Variants in BRWD3 observed in about 807,000 individuals in gnomAD.
BRWD3 encodes the protein bromodomain and WD repeat domain containing 3.
Under a neutral mutation model 149.7 loss-of-function variants are expected in BRWD3, and 10 were observed. The observed-to-expected ratio is 0.07, with a 90% CI of 0.04 to 0.11. BRWD3 has a LOEUF of 0.11. Ranked by LOEUF, BRWD3 falls within the 10% of genes least tolerant of loss-of-function variation. The probability of loss-of-function intolerance (pLI) is 1.00; values close to 1 mark genes in which losing one functional copy is unlikely to be tolerated. For synonymous variants in BRWD3, 504 were observed against 456.7 expected, an observed-to-expected ratio of 1.10 and a Z score of -1.32; for missense variants, 940 against 1,373.2, an observed-to-expected ratio of 0.68 and a Z score of 4.99.
chrX:80,682,245 G>A, intron 38 of BRWD3, 151 bp from the exon 39 acceptor site: 1 of 610,228 alleles, frequency 1.6e-6, no homozygotes, highest in African/African-American at 2.3e-5. Flanking sequence ...TAATTTGACA[G>A]TGAAACTTCA....
At chrX:80,709,234 G>A (rs778846208) in intron 21 of BRWD3, among the ~76,000 whole-genome samples, 194 bp downstream of exon 21, 5 of 110,085 alleles carry the variant, frequency 4.5e-5, no homozygotes, top group Admixed American at 1.9e-4. Context: ...CAGCATCTGA[G>A]GTACAAATCC....
At position 80,701,285 on chromosome X, in the gene BRWD3, C is replaced by A. The variant is rs140983203; in HGVS notation, c.2836-1221G>T. Among the ~76,000 whole-genome samples the A allele has an allele frequency of 1.1e-3, 118 of 110,423 alleles. 3 individuals carry two copies. The East Asian group carries it at 0.032, about 30-fold the overall frequency. On this transcript the variant is annotated intron_variant, in intron 24 of 40. Coordinates refer to ENST00000373275, the MANE Select transcript of BRWD3 (RefSeq NM_153252.5). ...GATAGAGGCTAGGCACAGTGGCTCA[C>A]ACCTGTAATCCTAGTACTTTGGGAG... is the stretch of plus-strand genomic sequence containing the variant.
chrX:80,749,634 T>TCA (rs2073639705), intron 6 of BRWD3, among the ~76,000 whole-genome samples: 1 of 110,930 alleles, frequency 9.0e-6, no homozygotes, highest in Non-Finnish European at 1.9e-5. Flanking sequence ...TTTCATCCAT[T>TCA]CAGCAGCTCA....
At chrX:80,727,470 A>G (rs1428790964) in intron 14 of BRWD3, among the ~76,000 whole-genome samples, 5 of 110,620 alleles carry the variant, frequency 4.5e-5, no homozygotes, top group African/African-American at 1.6e-4. Context: ...TTCAGCTCCT[A>G]TCTACCTCAG....
At chrX:80,787,170 A>G (rs2147848516) in intron 6 of BRWD3, among the ~76,000 whole-genome samples, 1 of 112,198 alleles carries the variant, frequency 8.9e-6, no homozygotes, top group South Asian at 3.7e-4. Flanking sequence ...AGATGTGTTA[A>G]GACCTGAACA....
chrX:80,794,149 G>A (rs1307266457), intron 4 of BRWD3, among the ~76,000 whole-genome samples: 3 of 111,195 alleles, frequency 2.7e-5, no homozygotes, highest in Non-Finnish European at 3.8e-5. Context: ...CTGTACTCCC[G>A]TCTGGGCAAC....
chrX:80,807,824 A>G (rs1053922073), intron 4 of BRWD3, among the ~76,000 whole-genome samples: 5 of 111,689 alleles, frequency 4.5e-5, no homozygotes, highest in Non-Finnish European at 7.5e-5. Context: ...TCAAAAAGTG[A>G]TAACTCAGTT....
intron 16 of BRWD3, among the ~76,000 whole-genome samples, chrX:80,723,427 C>A (rs2147755196): frequency 9.0e-6 from 1 of 111,141 alleles, no homozygotes; most frequent in African/African-American, 3.3e-5. Flanking sequence ...ATTCCCAATT[C>A]ATGAGAAGTA....
intron 30 of BRWD3, 141 bp from the exon 31 acceptor site, chrX:80,691,314 G>A: frequency 1.6e-6 from 1 of 643,006 alleles, no homozygotes; most frequent in Admixed American, 3.6e-5. Flanking sequence ...TATACAAACA[G>A]AACGTTATTC....
At chrX:80,734,302 T>C in intron 10 of BRWD3, 84 bp from the exon 11 acceptor site, 1 of 618,269 alleles carries the variant, frequency 1.6e-6, no homozygotes. Context: ...TATGCTACCT[T>C]GCATTAGTAA....
At chrX:80,753,265 C>T (rs1236225518) in intron 6 of BRWD3, among the ~76,000 whole-genome samples, 9 of 93,384 alleles carry the variant, frequency 9.6e-5, no homozygotes, top group African/African-American at 2.1e-4. Flanking sequence ...GTTGCCTGTG[C>T]TTTTCAGTTT....
chrX:80,746,417 G>A (rs1232043100), intron 6 of BRWD3, among the ~76,000 whole-genome samples: 1 of 107,108 alleles, frequency 9.3e-6, no homozygotes, highest in Non-Finnish European at 1.9e-5. Flanking sequence ...GCTTTGCCTT[G>A]TTCTGCATTT....
At chrX:80,777,437 G>A (rs769916308) in intron 6 of BRWD3, among the ~76,000 whole-genome samples, 1 of 111,166 alleles carries the variant, frequency 9.0e-6, no homozygotes, top group Non-Finnish European at 1.9e-5. Flanking sequence ...CTGTCACCCT[G>A]ACTGTAGTGC....
At chrX:80,756,663 A>G (rs1221729420) in intron 6 of BRWD3, among the ~76,000 whole-genome samples, 34 of 111,555 alleles carry the variant, frequency 3.0e-4, no homozygotes, top group Non-Finnish European at 5.6e-5. Context: ...AATTGATTAT[A>G]CAGATACAAT....
chrX:80,742,409 T>TATGAACTTTAAA (rs2073526550), intron 8 of BRWD3, among the ~76,000 whole-genome samples: 9 of 84,336 alleles, frequency 1.1e-4, no homozygotes, highest in African/African-American at 1.6e-4. Flanking sequence ...TTTTTGGTTC[T>TATGAACTTTAAA]GTAGTTTTTT....
chrX:80,781,767 T>C (rs1490307126), intron 6 of BRWD3, among the ~76,000 whole-genome samples: 1 of 110,680 alleles, frequency 9.0e-6, no homozygotes, highest in Non-Finnish European at 1.9e-5. Context: ...AGTATAGCTA[T>C]AAATAAAATA....
intron 4 of BRWD3, among the ~76,000 whole-genome samples, chrX:80,800,410 T>C (rs2074280422): frequency 9.4e-6 from 1 of 106,703 alleles, no homozygotes; most frequent in Non-Finnish European, 1.9e-5. Context: ...GACATGACGG[T>C]GCATGCCTGT....
intron 6 of BRWD3, among the ~76,000 whole-genome samples, chrX:80,775,588 A>C (rs1190256684): frequency 8.9e-6 from 1 of 111,967 alleles, no homozygotes; most frequent in Non-Finnish European, 1.9e-5. Flanking sequence ...AAAATAGCTG[A>C]CAAGAGGTTC....
intron 4 of BRWD3, among the ~76,000 whole-genome samples, chrX:80,800,138 G>T (rs1198977224): frequency 9.2e-6 from 1 of 109,018 alleles, no homozygotes; most frequent in Non-Finnish European, 1.9e-5. Context: ...TATAAGAAAA[G>T]TTCACAAGAC....
Sources: gnomAD v4.1 joint callset for allele counts (sites outside exome capture counted in the v4.1 genomes callset) on GRCh38, gnomAD v4.1.1 for gene constraint, MANE v1.5 for transcripts, NCBI Gene and HGNC (gene_info 2026-07-23, HGNC 2026-07-21) for gene names.